The following DMD variants were observed in gnomAD, a reference collection of about 807,000 sequenced individuals.
DMD encodes the protein mutant dystrophin.
In DMD, 63 loss-of-function variants were observed where a neutral mutation model predicts 330.1. That is an observed-to-expected ratio of 0.19 (90% confidence interval 0.16 to 0.24). The LOEUF is 0.24. DMD is among the 10% of genes least tolerant of loss of function. The probability of loss-of-function intolerance (pLI) is 1.00; values close to 1 mark genes in which losing one functional copy is unlikely to be tolerated. For synonymous variants in DMD, 1,223 were observed against 959.8 expected (o/e 1.27, Z -5.07); for missense variants, 3,344 against 2,684.1 (o/e 1.25, Z -5.43).
intron 47 of DMD, among the ~76,000 whole-genome samples, chrX:31,886,733 G>T (rs1210266615): frequency 9.0e-6 from 1 of 111,537 alleles, no homozygotes; most frequent in Non-Finnish European, 1.9e-5. Context: ...CTGGGAGTGG[G>T]GTTGGGTGTC....
At chrX:32,910,124 G>T (rs772368266) in intron 2 of DMD, among the ~76,000 whole-genome samples, 1 of 110,954 alleles carries the variant, frequency 9.0e-6, no homozygotes, top group East Asian at 2.9e-4. Flanking sequence ...AATGAGAATT[G>T]CACACACACA....
At chrX:32,832,161 G>C (rs2079205887) in intron 4 of DMD, among the ~76,000 whole-genome samples, 1 of 111,227 alleles carries the variant, frequency 9.0e-6, no homozygotes, top group Non-Finnish European at 1.9e-5. Flanking sequence ...AATTAGCTAA[G>C]GGAGGGGGAT....
At chrX:32,685,409 A>C (rs1270768073) in intron 9 of DMD, among the ~76,000 whole-genome samples, 5 of 111,853 alleles carry the variant, frequency 4.5e-5, no homozygotes, top group Non-Finnish European at 7.5e-5. Flanking sequence ...CTGACACACA[A>C]TATAGAAATT....
intron 67 of DMD, among the ~76,000 whole-genome samples, chrX:31,201,158 T>TACACACAC (rs57235865): frequency 0.011 from 1,106 of 98,296 alleles, 11 homozygotes; most frequent in African/African-American, 0.028. Context: ...AGAGACCCTG[T>TACACACAC]ACACACACAC....
intron 60 of DMD, among the ~76,000 whole-genome samples, chrX:31,421,950 TATATATATACAC>T (rs1569540434): frequency 0.019 from 1,564 of 83,898 alleles, 87 homozygotes; most frequent in African/African-American, 0.086. Flanking sequence ...CACATATATA[TATATATATACAC>T]ATATATATAT....
At chrX:31,710,099 T>C (rs1311056319) in intron 52 of DMD, among the ~76,000 whole-genome samples, 1 of 111,868 alleles carries the variant, frequency 8.9e-6, no homozygotes. Context: ...TTTCTTATGT[T>C]GGAAGCAAGA....
intron 30 of DMD, among the ~76,000 whole-genome samples, chrX:32,391,732 C>T (rs1240253484): frequency 9.0e-6 from 1 of 111,687 alleles, no homozygotes; most frequent in African/African-American, 3.3e-5. Flanking sequence ...GAGCAAGAAA[C>T]ATCACAGAAT....
chrX:31,577,164 T>G (rs890193438), intron 55 of DMD, among the ~76,000 whole-genome samples: 6 of 112,784 alleles, frequency 5.3e-5, no homozygotes, highest in African/African-American at 1.9e-4. Flanking sequence ...TCATTATTAA[T>G]TTTTACAAAA....
chrX:32,858,678 C>T (rs1239304391), intron 2 of DMD, among the ~76,000 whole-genome samples: 1 of 111,075 alleles, frequency 9.0e-6, no homozygotes, highest in Non-Finnish European at 1.9e-5. Flanking sequence ...CCCCCACCCC[C>T]GTTCCCACGG....
intron 43 of DMD, among the ~76,000 whole-genome samples, chrX:32,248,632 T>G (rs1401626260): frequency 2.7e-5 from 3 of 110,187 alleles, no homozygotes; most frequent in Admixed American, 2.0e-4. Flanking sequence ...AATTAACTCA[T>G]TGCAAACACA....
At chrX:33,208,975 AC>A (rs2051739584) in intron 1 of DMD, among the ~76,000 whole-genome samples, 1 of 111,286 alleles carries the variant, frequency 9.0e-6, no homozygotes, top group East Asian at 2.8e-4. Context: ...TAAAAACTTG[AC>A]AATTTGTTTC....
At chrX:31,831,824 G>C (rs6653858) in intron 49 of DMD, among the ~76,000 whole-genome samples, 23,088 of 111,456 alleles carry the variant, frequency 0.21, 2,709 homozygotes, top group African/African-American at 0.44. Context: ...GGATGGTCTC[G>C]ATCTCCTGAC....
chrX:32,275,553 TA>T (rs759134378), intron 43 of DMD, among the ~76,000 whole-genome samples: 1 of 112,117 alleles, frequency 8.9e-6, no homozygotes, highest in Non-Finnish European at 1.9e-5. Context: ...ACTTAAAGGT[TA>T]AAAATAAATT....
intron 7 of DMD, among the ~76,000 whole-genome samples, chrX:32,751,895 C>A (rs1319798333): frequency 8.9e-5 from 10 of 112,960 alleles, no homozygotes; most frequent in African/African-American, 3.2e-4. Context: ...AGGGCGGAAG[C>A]CCAAGCCTTG....
In DMD at chrX:32,986,322, G is replaced by C. The variant is rs1451224340; in HGVS notation, c.93+33817C>G. Among the ~76,000 whole-genome samples, 3 of 112,031 alleles carry C rather than the reference G, an allele frequency of 2.7e-5. No individual in the cohort carries two copies. In the South Asian group the frequency reaches 1.1e-3, roughly 41 times the overall value. ...TAAGTTATTAGACATTTCTGTTTAG[G>C]AGATATCAGTTACTTAGAAATTTAG... On this transcript the variant is annotated intron_variant, in intron 2 of 78. Transcript: ENST00000357033.
chrX:32,390,328 A>G, intron 30 of DMD, 147 bp from the exon 31 acceptor site: 2 of 494,915 alleles, frequency 4.0e-6, no homozygotes, highest in Non-Finnish European at 3.6e-6. Context: ...GTGGTGGTTC[A>G]CACCTGTAAT....
At chrX:31,318,151 G>A (rs2056177004) in intron 62 of DMD, among the ~76,000 whole-genome samples, 1 of 111,980 alleles carries the variant, frequency 8.9e-6, no homozygotes, top group Non-Finnish European at 1.9e-5. Context: ...AGTAGTAATA[G>A]AGGCAATACA....
At chrX:32,299,307 T>C (rs1569556440) in intron 42 of DMD, among the ~76,000 whole-genome samples, 1 of 111,094 alleles carries the variant, frequency 9.0e-6, no homozygotes, top group Non-Finnish European at 1.9e-5. Context: ...CCATCCATGA[T>C]GACATATAGC....
intron 44 of DMD, among the ~76,000 whole-genome samples, chrX:32,174,997 G>C (rs1214327732): frequency 8.9e-6 from 1 of 111,968 alleles, no homozygotes; most frequent in South Asian, 3.7e-4. Context: ...AGTATGGAGA[G>C]TTGAAGGTTG....
Sources: gnomAD v4.1 joint callset for allele counts (sites outside exome capture counted in the v4.1 genomes callset) on GRCh38, gnomAD v4.1.1 for gene constraint, MANE v1.5 for transcripts, NCBI Gene and HGNC (gene_info 2026-07-23, HGNC 2026-07-21) for gene names.